STARD8: variants seen among roughly 807,000 people sequenced by gnomAD.
The protein encoded by STARD8 is stAR-related lipid transfer protein 8.
STARD8 carries 25 observed loss-of-function variants against 69.4 expected under a neutral mutation model. That is an observed-to-expected ratio of 0.36 (90% confidence interval 0.26 to 0.50). STARD8 has a LOEUF of 0.50. Ranked by LOEUF, STARD8 falls within the 20% of genes least tolerant of loss-of-function variation. The pLI is 0.96. For missense variants in STARD8, 921 were observed against 932.5 expected (o/e 0.99, Z 0.16); for synonymous variants, 389 against 374.6 (o/e 1.04, Z -0.45).
In STARD8 at chrX:68,710,189, G is replaced by T. The variant is rs1042287072; in HGVS notation, c.80-2725G>T. On this transcript the variant is annotated intron_variant, in intron 2 of 14. Coordinates refer to ENST00000374599, the MANE Select transcript of STARD8 (RefSeq NM_001142503.3). ...CTTTACCCTGTATGACCTTGGAAAA[G>T]TCTCTTGGGCCTCAGTAGGCCTTAT... Among the ~76,000 whole-genome samples the T allele has an allele frequency of 7.1e-5, 8 of 112,519 alleles. No homozygotes were observed. In the Admixed American group the frequency reaches 7.5e-4, roughly 11 times the overall value.
chrX:68,721,847 T>C, intron 10 of STARD8, 101 bp downstream of exon 10: 1 of 920,523 alleles, frequency 1.1e-6, no homozygotes, highest in Admixed American at 2.8e-5. Context: ...TGTCTCAGCC[T>C]CACCACAAGG....
chrX:68,709,220 C>T (rs2080031312), intron 2 of STARD8, among the ~76,000 whole-genome samples: 1 of 112,156 alleles, frequency 8.9e-6, no homozygotes, highest in South Asian at 3.7e-4. Flanking sequence ...GTCTGTAGCC[C>T]TACTCCAAAC....
At position 68,724,835 on chromosome X, in the gene STARD8, G is replaced by T. The variant is rs1185644247; in HGVS notation, c.*413G>T. The T allele has an allele frequency of 7.9e-6, 1 of 126,206 alleles. No individual in the cohort carries two copies. The highest frequency in any genetic ancestry group is 2.5e-4 in the East Asian group (1 of 4,046). The allele number at this position is 126,206 out of a possible 1,213,427, so 10.4% of individuals were successfully genotyped here. On this transcript the variant is annotated 3_prime_UTR_variant, in exon 15 of 15. Coordinates refer to ENST00000374599, the MANE Select transcript of STARD8 (RefSeq NM_001142503.3). ...GAGAGGGCAAGCCGTCTTGTTTGCTGCAAGGATGCTTTTGAGGTTGGACAG... is the reference window on the plus strand; with the variant it reads ...GAGAGGGCAAGCCGTCTTGTTTGCTTCAAGGATGCTTTTGAGGTTGGACAG...
At chrX:68,671,375 A>G (rs2079727419) in intron 2 of STARD8, among the ~76,000 whole-genome samples, 1 of 111,842 alleles carries the variant, frequency 8.9e-6, no homozygotes, top group South Asian at 3.8e-4. Context: ...ATAAAACATC[A>G]CACTGTTCTG....
At chrX:68,696,303 G>T (rs2079919044) in intron 2 of STARD8, among the ~76,000 whole-genome samples, 1 of 112,083 alleles carries the variant, frequency 8.9e-6, no homozygotes, top group African/African-American at 3.2e-5. Context: ...ACAGTTGCTG[G>T]TGTCAGGTGT....
chrX:68,708,916 C>T (rs1476606150), intron 2 of STARD8, among the ~76,000 whole-genome samples: 11 of 111,538 alleles, frequency 9.9e-5, no homozygotes, highest in African/African-American at 3.6e-4. Flanking sequence ...CAGTCCGGGC[C>T]ACCTGGGCTT....
chrX:68,654,884 C>T (rs1315828657), intron 1 of STARD8, among the ~76,000 whole-genome samples: 3 of 112,061 alleles, frequency 2.7e-5, no homozygotes, highest in African/African-American at 9.7e-5. Context: ...GAACGTGTGA[C>T]GATGATAGGG....
At chrX:68,690,368 C>T (rs1170871541) in intron 2 of STARD8, among the ~76,000 whole-genome samples, 2 of 109,133 alleles carry the variant, frequency 1.8e-5, no homozygotes. Context: ...TTAACCTAGC[C>T]ATTCCAGAGT....
chrX:68,681,156 C>A (rs2079798377), intron 2 of STARD8, among the ~76,000 whole-genome samples: 1 of 111,431 alleles, frequency 9.0e-6, no homozygotes, highest in Non-Finnish European at 1.9e-5. Flanking sequence ...TTATCCTTCC[C>A]ATTTTACTAA....
intron 2 of STARD8, among the ~76,000 whole-genome samples, chrX:68,668,632 G>T (rs1466610067): frequency 1.8e-5 from 2 of 111,051 alleles, no homozygotes; most frequent in Non-Finnish European, 3.8e-5. Context: ...AGAGCATTAG[G>T]AATGTCCAAC....
chrX:68,684,659 C>T (rs1429589127), intron 2 of STARD8, among the ~76,000 whole-genome samples: 1 of 113,042 alleles, frequency 8.8e-6, no homozygotes, highest in Non-Finnish European at 1.9e-5. Context: ...CAGAGAGGGG[C>T]ATCCCAGTGG....
At chrX:68,704,265 G>T (rs1440744626) in intron 2 of STARD8, among the ~76,000 whole-genome samples, 2 of 111,819 alleles carry the variant, frequency 1.8e-5, no homozygotes, top group Non-Finnish European at 3.8e-5. Context: ...GAGGCTTCGC[G>T]GGAGTGGGTG....
At chrX:68,658,555 A>G (rs1028563443) in intron 1 of STARD8, among the ~76,000 whole-genome samples, 23 of 112,448 alleles carry the variant, frequency 2.0e-4, no homozygotes, top group African/African-American at 7.4e-4. Context: ...ATTTCCACTA[A>G]AGTCCCTCGG....
chrX:68,675,693 TCCAGCTCCA>T (rs1175820590), intron 2 of STARD8, among the ~76,000 whole-genome samples: 1 of 110,719 alleles, frequency 9.0e-6, no homozygotes, highest in African/African-American at 3.3e-5. Flanking sequence ...GAATCCTAGC[TCCAGCTCCA>T]CCTCCACTCC....
chrX:68,650,647 A>C (rs1363501814), intron 1 of STARD8, among the ~76,000 whole-genome samples: 1 of 110,338 alleles, frequency 9.1e-6, no homozygotes, highest in African/African-American at 3.3e-5. Flanking sequence ...AGAAAAAAAA[A>C]TTTAAAATTA....
At chrX:68,668,190 C>T (rs1184534903) in intron 2 of STARD8, among the ~76,000 whole-genome samples, 1 of 97,072 alleles carries the variant, frequency 1.0e-5, no homozygotes, top group African/African-American at 3.8e-5. Context: ...TCCTACCTAC[C>T]CTTCCTTCCT....
intron 2 of STARD8, among the ~76,000 whole-genome samples, chrX:68,709,966 T>C (rs926522213): frequency 2.7e-5 from 3 of 112,475 alleles, no homozygotes; most frequent in Admixed American, 9.4e-5. Context: ...AGCTAGTGAC[T>C]GACAGCATCA....
intron 2 of STARD8, among the ~76,000 whole-genome samples, chrX:68,699,504 A>G (rs2079949639): frequency 8.9e-6 from 1 of 111,827 alleles, no homozygotes; most frequent in Non-Finnish European, 1.9e-5. Flanking sequence ...CTCTGGGACC[A>G]CCTGGACCCT....
At chrX:68,704,487 G>A (rs1003708931) in intron 2 of STARD8, among the ~76,000 whole-genome samples, 17 of 111,008 alleles carry the variant, frequency 1.5e-4, no homozygotes, top group African/African-American at 5.6e-4. Context: ...AGGAGAGGCT[G>A]GAGGCTGGGA....
Sources: allele counts gnomAD v4.1 joint callset (sites outside exome capture counted in the v4.1 genomes callset), GRCh38; gene constraint gnomAD v4.1.1; transcripts MANE v1.5; gene names NCBI Gene and HGNC (gene_info 2026-07-23, HGNC 2026-07-21).